PLIN5: variants seen among roughly 807,000 people sequenced by gnomAD.
PLIN5 encodes perilipin-5.
PLIN5 carries 34 observed loss-of-function variants against 32.8 expected under a neutral mutation model. That is an observed-to-expected ratio of 1.04 (90% CI 0.79 to 1.38). The LOEUF (loss-of-function observed/expected upper bound fraction) is 1.38, where lower values mean the gene tolerates loss of function less well. PLIN5 is among the 40% of genes most tolerant of loss of function. PLIN5 has a pLI of 0.00. For missense variants in PLIN5, 712 were observed against 660.5 expected (o/e 1.08, Z -0.85); for synonymous variants, 309 against 292.9 (o/e 1.05, Z -0.56).
intron 5 of PLIN5, among the ~76,000 whole-genome samples, chr19:4,527,686 T>G (rs1976824036): frequency 1.3e-5 from 2 of 148,880 alleles, no homozygotes; most frequent in Admixed American, 1.3e-4. Context: ...CTCTACTAAA[T>G]ACACAAAAAT....
At chr19:4,530,200 G>C (rs1976866669) in intron 3 of PLIN5, among the ~76,000 whole-genome samples, 4 of 152,134 alleles carry the variant, frequency 2.6e-5, no homozygotes, top group Admixed American at 2.6e-4. Flanking sequence ...GAGACTGGGG[G>C]CCCTGAGGGT....
At chr19:4,533,937 C>G in intron 2 of PLIN5, 78 bp downstream of exon 2, 1 of 1,498,418 alleles carries the variant, frequency 6.7e-7, no homozygotes, top group Non-Finnish European at 9.1e-7. Flanking sequence ...GGCGGGATAC[C>G]TGGCCTGAAA....
chr19:4,525,684 G>A lies in PLIN5; in HGVS notation c.669C>T (p.Ser223=). ...YEHSVGKLRQ[S]KHRAQDTLAQ... is the part of the protein sequence containing the mutation. ...CCAGGGTGTCCTGGGCACGGTGTTT[G>A]CTCTGCCTCAGTTTCCCCACAGAGT... The change falls in exon 6 of 8, where the codon AGC becomes AGT. Residue 223 remains serine (S), a synonymous_variant. Coordinates refer to ENST00000381848, the MANE Select transcript of PLIN5 (RefSeq NM_001013706.3). This position sits in a 1 kb window ranked among gnomAD's most constrained non-coding sequence, Gnocchi z 5.6. 1 of 1,613,756 alleles carries A rather than the reference G, an allele frequency of 6.2e-7. No homozygotes were observed. Among genetic ancestry groups the A allele is most frequent in the Non-Finnish European group, 8.5e-7 (1 of 1,180,034 alleles).
At position 4,523,287 on chromosome 19, in the gene PLIN5, C is replaced by G; in HGVS notation, c.*241G>C. ...AGCAGGACATAGGTGAAGAACCCAG[C>G]TTGTGGCTCAAGTTGGCCTGAATAG... On this transcript the variant is annotated 3_prime_UTR_variant, in exon 8 of 8. Coordinates refer to ENST00000381848, the MANE Select transcript of PLIN5 (RefSeq NM_001013706.3). The surrounding 1 kb of genome is among the most constrained non-coding windows in gnomAD (Gnocchi z 5.0). 2.2e-6 allele frequency: 1 copy of G among 453,216 alleles called. No homozygotes were observed. The highest frequency in any genetic ancestry group is 3.9e-6 in the Non-Finnish European group (1 of 259,370). 28.1% of individuals were successfully genotyped at this position (453,216 alleles called of 1,614,324 possible).
At chr19:4,527,082 A>T (rs972119787) in intron 5 of PLIN5, among the ~76,000 whole-genome samples, 78 of 147,456 alleles carry the variant, frequency 5.3e-4, no homozygotes, top group Non-Finnish European at 8.1e-4. Flanking sequence ...AAGAAAAAAA[A>T]TTTTTTTTTT....
In PLIN5 at chr19:4,533,964, T is replaced by C. The variant is rs1460807366; in HGVS notation, c.60+51A>G. 1.9e-6 allele frequency: 3 copies of C among 1,584,036 alleles called. No individual in the cohort carries two copies. The African/African-American group carries it at 4.1e-5, about 21-fold the overall frequency. On this transcript the variant is annotated intron_variant, in intron 2 of 7. Transcript: ENST00000381848. ...GGCCTGAAACGCTCCTAGAAGGGAC[T>C]GTCCCACACAATACCTTCTGTCCCT...
intron 3 of PLIN5, among the ~76,000 whole-genome samples, 188 bp from the exon 4 acceptor site, chr19:4,530,054 T>A (rs1430184527): frequency 2.0e-5 from 3 of 152,112 alleles, no homozygotes; most frequent in Non-Finnish European, 4.4e-5. Flanking sequence ...ATGGACAGGC[T>A]TTCTGAGACC....
At chr19:4,529,600 CATATATGTAT>C in intron 4 of PLIN5, 174 bp downstream of exon 4, 1 of 450,086 alleles carries the variant, frequency 2.2e-6, no homozygotes, top group South Asian at 3.0e-5. Flanking sequence ...TACGTATATA[CATATATGTAT>C]ACACACACAC....
chr19:4,526,845 A>G (rs150096580), intron 5 of PLIN5, among the ~76,000 whole-genome samples: 4,214 of 148,344 alleles, frequency 0.028, 250 homozygotes, highest in African/African-American at 0.1. Flanking sequence ...GCAACAGAGC[A>G]AGACTCCATC....
In PLIN5 at chr19:4,534,034, A is replaced by C; in HGVS notation, c.41T>G (p.Val14Gly). 6.2e-7 allele frequency: 1 copy of C among 1,613,214 alleles called. No individual in the cohort carries two copies. The highest frequency in any genetic ancestry group is 1.1e-5 in the South Asian group (1 of 90,798). Residue 14 changes from valine to glycine, a missense_variant, in exon 2 of 8, where the codon GTG becomes GGG. Val to Gly is a moderately radical substitution (Grantham distance 109). Coordinates refer to ENST00000381848, the MANE Select transcript of PLIN5 (RefSeq NM_001013706.3). ...EEAAQIPRSS[V>G]WEQDQQNVVQ... The stretch of plus-strand genomic sequence containing the variant: ...CCTCACCTGCTGGTCCTGCTCCCAC[A>C]CACTGGATCTGGGGATCTGAGCCGC...
chr19:4,523,880 C>T lies in PLIN5; in HGVS notation c.1040G>A (p.Gly347Asp), dbSNP rs756530531. 51 of 1,519,526 alleles carry T rather than the reference C, an allele frequency of 3.4e-5. No homozygotes were observed. The highest frequency in any genetic ancestry group is 4.4e-5 in the Non-Finnish European group (50 of 1,145,520). The allele number at this position is 1,519,526 out of a possible 1,614,324, so 94.1% of individuals were successfully genotyped here. ...GTGCGCGTGGGCCACGCGACCCCGGCCCTCGGCCAGCGCGGCCGCTGGCAC... is the reference window on the plus strand; with the variant it reads ...GTGCGCGTGGGCCACGCGACCCCGGTCCTCGGCCAGCGCGGCCGCTGGCAC... ...RDVPAAALAEGRGRVAHAHAC... is the reference protein window; with the variant it reads ...RDVPAAALAEDRGRVAHAHAC... The change falls in exon 8 of 8, where the codon GGC (glycine) becomes GAC (aspartate). Residue 347 changes from glycine to aspartate, a missense_variant. Transcript: ENST00000381848. This position sits in a 1 kb window ranked among gnomAD's most constrained non-coding sequence, Gnocchi z 5.0.
chr19:4,529,476 A>G, intron 4 of PLIN5: 1 of 567,914 alleles, frequency 1.8e-6, no homozygotes, highest in South Asian at 2.4e-5. Flanking sequence ...ATACATATAC[A>G]TATATACACA....
chr19:4,525,736 G>A lies in PLIN5; in HGVS notation c.617C>T (p.Ala206Val), dbSNP rs1281754446. The change falls in exon 6 of 8, where the codon GCA (alanine) becomes GTA (valine). Residue 206 changes from alanine (A) to valine (V), a missense_variant. Ala to Val is a moderately conservative substitution (Grantham distance 64). Transcript: ENST00000381848. The surrounding 1 kb of genome is among the most constrained non-coding windows in gnomAD (Gnocchi z 5.6). The stretch of plus-strand genomic sequence containing the variant: ...CTCGTAGGCCAGGTGGCGGATCCGT[G>A]CTGACAGGGAGCCGAGGCGCACAAA... ...GYFVRLGSLS[A>V]RIRHLAYEHS... 1 of 1,613,764 alleles carries A rather than the reference G, an allele frequency of 6.2e-7. No homozygotes were observed. The highest frequency in any genetic ancestry group is 1.3e-5 in the African/African-American group (1 of 75,062).
Position 4,525,505 on chromosome 19 carries a change from C to A in PLIN5, c.720+128G>T. The A allele has an allele frequency of 8.6e-7, 1 of 1,157,312 alleles. No individual in the cohort carries two copies. Among genetic ancestry groups the A allele is most frequent in the Non-Finnish European group, 1.2e-6 (1 of 822,410 alleles). The allele number at this position is 1,157,312 out of a possible 1,614,324, so 71.7% of individuals were successfully genotyped here. A position where few individuals can be genotyped will look rare whatever the true frequency, so the allele number is the denominator to read the frequency against. On this transcript the variant is annotated intron_variant, in intron 6 of 7. Transcript: ENST00000381848. This position sits in a 1 kb window ranked among gnomAD's most constrained non-coding sequence, Gnocchi z 5.6. ...CGGGTCCCCCAGCCCTGAACACATG[C>A]AGCTGGAGACAGCTGCACCCAGCTC... is the stretch of plus-strand genomic sequence containing the variant.
chr19:4,535,125 C>A (rs958382131), intron 1 of PLIN5, 40 bp downstream of exon 1: 2 of 150,510 alleles, frequency 1.3e-5, no homozygotes, highest in Non-Finnish European at 3.0e-5. Context: ...TCTCCTAAGC[C>A]CGGGGGGGCG....
At position 4,525,878 on chromosome 19, in the gene PLIN5, C is replaced by A; in HGVS notation, c.521-46G>T. On this transcript the variant is annotated intron_variant, in intron 5 of 7. Coordinates refer to ENST00000381848, the MANE Select transcript of PLIN5 (RefSeq NM_001013706.3). The surrounding 1 kb of genome is among the most constrained non-coding windows in gnomAD (Gnocchi z 5.6). Reference sequence around the variant, plus strand: ...ACAGCACGGGGACAGGATACGGGGACAGCACGGGGACAGGATACGGGGACA... The same window carrying A: ...ACAGCACGGGGACAGGATACGGGGAAAGCACGGGGACAGGATACGGGGACA... 9.5e-7 allele frequency: 1 copy of A among 1,051,766 alleles called. No individual in the cohort carries two copies. The highest frequency in any genetic ancestry group is 1.5e-5 in the South Asian group (1 of 65,356). 65.2% of individuals were successfully genotyped at this position (1,051,766 alleles called of 1,614,324 possible). A position where few individuals can be genotyped will look rare whatever the true frequency, so the allele number is the denominator to read the frequency against.
intron 5 of PLIN5, among the ~76,000 whole-genome samples, chr19:4,526,857 C>CAAAAAAAAAAAAAAAAAAAAAAAAAAA (rs141886356): frequency 4.3e-5 from 6 of 138,738 alleles, no homozygotes; most frequent in African/African-American, 1.7e-4. Flanking sequence ...GACTCCATCT[C>CAAAAAAAAAAAAAAAAAAAAAAAAAAA]AAAAAAAAAT....
rs770671956 is a variant in PLIN5 at position 4,525,727 on chromosome 19, C to T, written c.626G>A (p.Arg209His). The T allele has an allele frequency of 8.6e-5, 138 of 1,613,606 alleles. No individual in the cohort carries two copies. Among genetic ancestry groups the T allele is most frequent in the Middle Eastern group, 1.6e-4 (1 of 6,084 alleles). Reference protein sequence around the residue: ...VRLGSLSARIRHLAYEHSVGK... With the variant: ...VRLGSLSARIHHLAYEHSVGK... Reference sequence around the variant, plus strand: ...CACAGAGTGCTCGTAGGCCAGGTGGCGGATCCGTGCTGACAGGGAGCCGAG... The same window carrying T: ...CACAGAGTGCTCGTAGGCCAGGTGGTGGATCCGTGCTGACAGGGAGCCGAG... Residue 209 changes from arginine to histidine, a missense_variant, in exon 6 of 8, where the codon CGC (arginine) becomes CAC (histidine). Physicochemically the swap from Arg to His is conservative, Grantham distance 29. Transcript: ENST00000381848. This position sits in a 1 kb window ranked among gnomAD's most constrained non-coding sequence, Gnocchi z 5.6.
In PLIN5 at chr19:4,523,737, G is replaced by C. The variant is rs748327453; in HGVS notation, c.1183C>G (p.Leu395Val). The C allele has an allele frequency of 9.7e-5, 156 of 1,601,094 alleles. No homozygotes were observed. Among genetic ancestry groups the C allele is most frequent in the Non-Finnish European group, 1.2e-4 (144 of 1,179,546 alleles). ...GGGCCCCCGATGACCTCGTCCACCA[G>C]GTCCGCCAGGTCGGGCAGGGGCTCG... ...RPEPLPDLADLVDEVIGGPDP... is the reference protein window; with the variant it reads ...RPEPLPDLADVVDEVIGGPDP... The change falls in exon 8 of 8, where the codon CTG (leucine) becomes GTG (valine). Residue 395 changes from leucine (L) to valine (V), a missense_variant. Physicochemically the swap from Leu to Val is conservative, Grantham distance 32. Transcript: ENST00000381848. This position sits in a 1 kb window ranked among gnomAD's most constrained non-coding sequence, Gnocchi z 5.0.
Sources: allele counts gnomAD v4.1 joint callset (sites outside exome capture counted in the v4.1 genomes callset), GRCh38; gene constraint gnomAD v4.1.1; non-coding constraint Gnocchi (gnomAD v3.1); transcripts MANE v1.5; gene names NCBI Gene and HGNC (gene_info 2026-07-23, HGNC 2026-07-21).